LPAR3: variants seen among roughly 807,000 people sequenced by gnomAD.
The protein encoded by LPAR3 is LPA receptor 3.
A neutral mutation model predicts 17.8 loss-of-function variants in LPAR3; 7 were observed. The observed-to-expected ratio is 0.39, with a 90% CI of 0.22 to 0.74. The LOEUF is 0.74. Among genes scored for constraint, LPAR3 ranks in the 30% least tolerant of loss-of-function variants. The pLI is 0.40. For missense variants in LPAR3, 391 were observed against 453.4 expected (o/e 0.86, Z 1.25); for synonymous variants, 179 against 179.9 (o/e 0.99, Z 0.04).
rs1223145963 is a variant in LPAR3, at chr1:84,824,616, G to GA, written c.737-10446dup. 5.3e-5 allele frequency among the ~76,000 whole-genome samples: 8 copies of GA among 152,304 alleles called. No homozygotes were observed. In the South Asian group the frequency reaches 1.0e-3, roughly 20 times the overall value. ...AGCTATGGAAGGAGCATGATGATATGACCCAACAGGATTTTTGTGAAAATG... is the reference window on the plus strand; with the variant it reads ...AGCTATGGAAGGAGCATGATGATATGAACCCAACAGGATTTTTGTGAAAATG... On this transcript the variant is annotated intron_variant, in intron 2 of 2. Transcript: ENST00000370611.
chr1:84,861,427 T>C (rs1000249346), intron 2 of LPAR3, among the ~76,000 whole-genome samples: 1 of 152,158 alleles, frequency 6.6e-6, no homozygotes, highest in Non-Finnish European at 1.5e-5. Context: ...TCTCTCCCTC[T>C]CTCTCTCTCC....
chr1:84,813,884 T>C lies in LPAR3; in HGVS notation c.1024A>G (p.Ile342Val). The part of the protein sequence containing the change: ...DTGSQYIEDS[I>V]SQGAVCNKST... ...TTATTGCAGACTGCACCTTGGCTAA[T>C]ACTATCCTCTATGTACTGGCTGCCT... is the stretch of plus-strand genomic sequence containing the variant. Residue 342 changes from isoleucine to valine, a missense_variant, in exon 3 of 3, where the codon ATT becomes GTT. Transcript: ENST00000370611. 6.2e-7 allele frequency: 1 copy of C among 1,614,116 alleles called. No homozygotes were observed. Among genetic ancestry groups the C allele is most frequent in the South Asian group, 1.1e-5 (1 of 91,072 alleles).
intron 2 of LPAR3, among the ~76,000 whole-genome samples, chr1:84,847,738 C>T (rs1659619268): frequency 6.6e-6 from 1 of 152,220 alleles, no homozygotes; most frequent in Non-Finnish European, 1.5e-5. Context: ...CAGGGACTTA[C>T]CATCACTCCA....
intron 2 of LPAR3, among the ~76,000 whole-genome samples, chr1:84,818,532 G>A (rs1260966635): frequency 1.3e-5 from 2 of 151,702 alleles, no homozygotes; most frequent in Admixed American, 6.6e-5. Flanking sequence ...ATGCCAGGGG[G>A]GTGTATTATA....
At chr1:84,889,782 G>A (rs2102776514) in intron 1 of LPAR3, among the ~76,000 whole-genome samples, 1 of 152,236 alleles carries the variant, frequency 6.6e-6, no homozygotes, top group Non-Finnish European at 1.5e-5. Context: ...GCCTGCCTGG[G>A]GTGGCCCACA....
chr1:84,839,192 G>C (rs1659461189), intron 2 of LPAR3, among the ~76,000 whole-genome samples: 1 of 152,180 alleles, frequency 6.6e-6, no homozygotes, highest in Non-Finnish European at 1.5e-5. Flanking sequence ...TGATCTTCAA[G>C]TCTGGATCAT....
At chr1:84,891,768 C>T (rs1183925547) in intron 1 of LPAR3, among the ~76,000 whole-genome samples, 1 of 152,184 alleles carries the variant, frequency 6.6e-6, no homozygotes, top group African/African-American at 2.4e-5. Context: ...TTCTCTGATA[C>T]AGACTAAGTT....
At chr1:84,855,341 G>A (rs777074983) in intron 2 of LPAR3, among the ~76,000 whole-genome samples, 4 of 152,240 alleles carry the variant, frequency 2.6e-5, no homozygotes, top group Middle Eastern at 3.4e-3. Flanking sequence ...AGTCACAGAC[G>A]ATGACCACAT....
intron 2 of LPAR3, among the ~76,000 whole-genome samples, chr1:84,836,564 TG>T (rs1370373205): frequency 1.3e-5 from 2 of 152,174 alleles, no homozygotes; most frequent in South Asian, 2.1e-4. Flanking sequence ...CACTATGTCC[TG>T]GGGAAGGATA....
intron 2 of LPAR3, among the ~76,000 whole-genome samples, chr1:84,855,471 T>C (rs1659798661): frequency 6.6e-6 from 1 of 152,172 alleles, no homozygotes; most frequent in African/African-American, 2.4e-5. Flanking sequence ...CTGGAACCTC[T>C]CCCTATACCT....
At chr1:84,837,612 T>C in intron 2 of LPAR3, among the ~76,000 whole-genome samples, 1 of 152,300 alleles carries the variant, frequency 6.6e-6, no homozygotes, top group Non-Finnish European at 1.5e-5. Flanking sequence ...TTATTATATA[T>C]GTTATTACAC....
intron 2 of LPAR3, among the ~76,000 whole-genome samples, chr1:84,828,108 A>ATCTC (rs1004998898): frequency 1.3e-5 from 2 of 151,578 alleles, no homozygotes; most frequent in African/African-American, 2.4e-5. Flanking sequence ...AAACACATTC[A>ATCTC]TCTCTCTCTC....
chr1:84,840,058 G>C (rs1475935158), intron 2 of LPAR3, among the ~76,000 whole-genome samples: 1 of 152,128 alleles, frequency 6.6e-6, no homozygotes, highest in Non-Finnish European at 1.5e-5. Flanking sequence ...AATTAGCTGG[G>C]ACCACAGGTG....
At chr1:84,851,963 G>A (rs755305699) in intron 2 of LPAR3, among the ~76,000 whole-genome samples, 16 of 152,184 alleles carry the variant, frequency 1.1e-4, no homozygotes, top group African/African-American at 2.4e-5. Flanking sequence ...GAATCCAGAC[G>A]GAGATGACCG....
At chr1:84,839,658 C>G (rs1659472492) in intron 2 of LPAR3, among the ~76,000 whole-genome samples, 1 of 150,998 alleles carries the variant, frequency 6.6e-6, no homozygotes, top group Non-Finnish European at 1.5e-5. Flanking sequence ...AGAGCAGGAC[C>G]CTGTCTCTAA....
chr1:84,828,172 T>G (rs1235685304), intron 2 of LPAR3, among the ~76,000 whole-genome samples: 1 of 152,180 alleles, frequency 6.6e-6, no homozygotes, highest in Admixed American at 6.5e-5. Context: ...AAGTGAGCGA[T>G]GGACACACAC....
chr1:84,868,432 T>C (rs1213162481), intron 1 of LPAR3, among the ~76,000 whole-genome samples: 1 of 152,190 alleles, frequency 6.6e-6, no homozygotes. Context: ...TTTTTAATTC[T>C]ACCAGCAGCA....
chr1:84,867,499 AC>A (rs1485361277), intron 1 of LPAR3, among the ~76,000 whole-genome samples: 1 of 152,128 alleles, frequency 6.6e-6, no homozygotes, highest in Non-Finnish European at 1.5e-5. Flanking sequence ...AATCAAGAAG[AC>A]CAGATAACTA....
chr1:84,868,779 A>G (rs1461829847), intron 1 of LPAR3, among the ~76,000 whole-genome samples: 1 of 152,192 alleles, frequency 6.6e-6, no homozygotes, highest in Non-Finnish European at 1.5e-5. Context: ...CCCTCACCAG[A>G]CACCAAATCT....
Sources: gnomAD v4.1 joint callset for allele counts (sites outside exome capture counted in the v4.1 genomes callset) on GRCh38, gnomAD v4.1.1 for gene constraint, MANE v1.5 for transcripts, NCBI Gene and HGNC (gene_info 2026-07-23, HGNC 2026-07-21) for gene names.